Variants in SULT1A1 observed in about 807,000 individuals in gnomAD.
SULT1A1 encodes the protein sulfotransferase 1A1.
In SULT1A1, 35 loss-of-function variants were observed where a neutral mutation model predicts 36.8. The observed-to-expected ratio is 0.95, with a 90% CI of 0.73 to 1.26. SULT1A1 has a LOEUF of 1.26. Among genes scored for constraint, SULT1A1 ranks in the 50% most tolerant of loss-of-function variants. The probability of loss-of-function intolerance (pLI) is 0.00; values close to 1 mark genes in which losing one functional copy is unlikely to be tolerated. For missense variants in SULT1A1, 309 were observed against 383.0 expected (o/e 0.81, Z 1.61); for synonymous variants, 119 against 146.0 (o/e 0.82, Z 1.33).
upstream of SULT1A1, chr16:28,610,254 T>TTC: frequency 1.7e-6 from 2 of 1,191,452 alleles, no homozygotes; most frequent in Non-Finnish European, 1.1e-6. Flanking sequence ...TTTGTAGGTT[T>TTC]TTTTTTTCTG....
chr16:28,606,794 A>G lies in SULT1A1; in HGVS notation c.561T>C (p.Pro187=). The G allele has an allele frequency of 6.2e-7, 1 of 1,612,470 alleles. No homozygotes were observed. Among genetic ancestry groups the G allele is most frequent in the Non-Finnish European group, 8.5e-7 (1 of 1,178,676 alleles). The change falls in exon 6 of 8, where the codon CCT becomes CCC. Residue 187 remains proline (P), a synonymous_variant. Coordinates refer to ENST00000314752, the MANE Select transcript of SULT1A1 (RefSeq NM_001055.4). The part of the protein sequence containing the change: ...QEWWELSRTH[P]VLYLFYEDMK... ...TGTCTTCATAGAAGAGGTAGAGAAC[A>G]GGGTGGGTGCGGCTCAGCTCCCACC...
intron 1 of SULT1A1, among the ~76,000 whole-genome samples, chr16:28,622,258 TC>T (rs2047671626): frequency 6.6e-6 from 1 of 152,012 alleles, no homozygotes; most frequent in Admixed American, 6.6e-5. Context: ...CAAGTAAAAC[TC>T]CCATTGATCA....
intron 2 of SULT1A1, among the ~76,000 whole-genome samples, chr16:28,615,886 T>C (rs878891386): frequency 6.6e-6 from 1 of 152,156 alleles, no homozygotes; most frequent in African/African-American, 2.4e-5. Context: ...CCATTATTTC[T>C]GCATATCAGG....
Position 28,608,329 on chromosome 16 carries a change from C to A in SULT1A1, c.334G>T (p.Ala112Ser), listed in dbSNP as rs927153579. The A allele has an allele frequency of 1.2e-6, 2 of 1,612,362 alleles. No individual in the cohort carries two copies. The highest frequency in any genetic ancestry group is 1.3e-5 in the African/African-American group (1 of 74,966). Reference sequence around the variant, plus strand: ...TCCAACAGAGTCTGGGGGAGCAGAGCCAGGGGCAGGTGTGTCTTCAGGAGT... The same window carrying A: ...TCCAACAGAGTCTGGGGGAGCAGAGACAGGGGCAGGTGTGTCTTCAGGAGT... The part of the protein sequence containing the change: ...PRLLKTHLPL[A>S]LLPQTLLDQK... Residue 112 changes from alanine (A) to serine (S), a missense_variant, in exon 4 of 8, where the codon GCT becomes TCT. By Grantham distance (99) the Ala-to-Ser change is moderately conservative (BLOSUM62 1). Coordinates refer to ENST00000314752, the MANE Select transcript of SULT1A1 (RefSeq NM_001055.4).
chr16:28,618,698 C>A (rs539909452), intron 2 of SULT1A1, among the ~76,000 whole-genome samples: 1 of 151,980 alleles, frequency 6.6e-6, no homozygotes, highest in Non-Finnish European at 1.5e-5. Flanking sequence ...ACAGTAAAAC[C>A]GCTGATTTGT....
intron 1 of SULT1A1, 70 bp downstream of exon 1, chr16:28,609,861 C>T (rs1020655507): frequency 1.6e-6 from 2 of 1,228,676 alleles, no homozygotes; most frequent in Middle Eastern, 2.7e-4. Flanking sequence ...GAGGCCTCAG[C>T]TTCTGGAATG....
chr16:28,619,598 T>C (rs1441383835), intron 2 of SULT1A1, among the ~76,000 whole-genome samples: 2 of 152,070 alleles, frequency 1.3e-5, no homozygotes, highest in Admixed American at 6.6e-5. Flanking sequence ...CACATGCCTG[T>C]AGTCTCAGCT....
At position 28,608,297 on chromosome 16, in the gene SULT1A1, C is replaced by T; in HGVS notation, c.366G>A (p.Lys122=). ...ACACTGTGCCCTGCCTCACCTTGACCTTCTGATCCAACAGAGTCTGGGGGA... is the reference window on the plus strand; with the variant it reads ...ACACTGTGCCCTGCCTCACCTTGACTTTCTGATCCAACAGAGTCTGGGGGA... ...ALLPQTLLDQ[K]VKVVYVARNA... is the part of the protein sequence containing the mutation. Residue 122 remains lysine (K), a synonymous_variant, in exon 4 of 8, where the codon AAG becomes AAA. Coordinates refer to ENST00000314752, the MANE Select transcript of SULT1A1 (RefSeq NM_001055.4). The T allele has an allele frequency of 6.2e-7, 1 of 1,612,264 alleles. No individual in the cohort carries two copies. The highest frequency in any genetic ancestry group is 1.1e-5 in the South Asian group (1 of 91,004).
At chr16:28,609,314 C>T (rs1453057531) in intron 1 of SULT1A1, 2 of 1,284,102 alleles carry the variant, frequency 1.6e-6, no homozygotes, top group East Asian at 1.0e-4. Flanking sequence ...CCCCTCAGCC[C>T]CTCACATGTG....
chr16:28,606,901 G>A lies in SULT1A1; in HGVS notation c.500-46C>T, dbSNP rs1365673793. On this transcript the variant is annotated intron_variant, in intron 5 of 7. Coordinates refer to ENST00000314752, the MANE Select transcript of SULT1A1 (RefSeq NM_001055.4). Reference sequence around the variant, plus strand: ...TGCCAACACAGGGTTGCTGTGCGTTGTAGCCACCACCCCTTAGCTCCACAC... The same window carrying A: ...TGCCAACACAGGGTTGCTGTGCGTTATAGCCACCACCCCTTAGCTCCACAC... 1.2e-6 allele frequency: 2 copies of A among 1,612,202 alleles called. 1 individual carries two copies. Among genetic ancestry groups the A allele is most frequent in the Non-Finnish European group, 1.7e-6 (2 of 1,178,586 alleles).
Position 28,609,979 on chromosome 16 carries a change from G to C in SULT1A1, c.-53C>G. ...CGTGCCCTCCTCGCCCGCAGTGGCT[G>C]ATTGTGGGTGTTGTGTGGGGAATGC... On this transcript the variant is annotated 5_prime_UTR_variant, in exon 1 of 8. The change creates a new upstream start codon in the 5' untranslated region. Transcript: ENST00000314752. 7.8e-7 allele frequency: 1 copy of C among 1,288,078 alleles called. No individual in the cohort carries two copies. Among genetic ancestry groups the C allele is most frequent in the Non-Finnish European group, 1.0e-6 (1 of 987,526 alleles). The allele number at this position is 1,288,078 out of a possible 1,614,324, so 79.8% of individuals were successfully genotyped here.
intron 2 of SULT1A1, among the ~76,000 whole-genome samples, chr16:28,616,113 A>G (rs965119902): frequency 3.3e-5 from 5 of 152,128 alleles, no homozygotes; most frequent in Non-Finnish European, 7.4e-5. Flanking sequence ...GGCATAACAG[A>G]AGGCTCGCAC....
intron 2 of SULT1A1, among the ~76,000 whole-genome samples, chr16:28,619,229 T>C (rs1164329149): frequency 6.6e-6 from 1 of 151,948 alleles, no homozygotes; most frequent in African/African-American, 2.4e-5. Flanking sequence ...GCCAGGCTGG[T>C]TTCAAACTCC....
Position 28,623,076 on chromosome 16 carries a change from C to T in SULT1A1, c.67+55G>A. The T allele has an allele frequency of 3.9e-6, 6 of 1,524,330 alleles. No individual in the cohort carries two copies. In the South Asian group the frequency reaches 7.2e-5, roughly 18 times the overall value. The allele number at this position is 1,524,330 out of a possible 1,614,324, so 94.4% of individuals were successfully genotyped here. On this transcript the variant is annotated intron_variant, in intron 1 of 5. Coordinates refer to the SULT1A1 transcript ENST00000350842. ...CAGCCGCTTGATCCCCAAGTCCCTG[C>T]CTCCAGTCCCCCAATACTGGTCCCA...
chr16:28,622,777 G>A (rs2047681341), intron 1 of SULT1A1, among the ~76,000 whole-genome samples: 1 of 152,030 alleles, frequency 6.6e-6, no homozygotes, highest in South Asian at 2.1e-4. Flanking sequence ...GCCTTTTTCA[G>A]GGGGCAAAGA....
Position 28,609,065 on chromosome 16 carries a change from T to G in SULT1A1, c.-4-206A>C, listed in dbSNP as rs1445815025. The G allele has an allele frequency of 5.7e-4, 832 of 1,463,746 alleles. 5 individuals are homozygous for G. The highest frequency in any genetic ancestry group is 7.1e-4 in the Non-Finnish European group (774 of 1,097,008). The allele number at this position is 1,463,746 out of a possible 1,614,324, so 90.7% of individuals were successfully genotyped here. On this transcript the variant is annotated intron_variant, in intron 1 of 7. Coordinates refer to ENST00000314752, the MANE Select transcript of SULT1A1 (RefSeq NM_001055.4). ...TTCCCCAGCCTGGCCTCACCTTTCA[T>G]TCACCTGCGGAGCTGTTCAAAATCC...
intron 2 of SULT1A1, among the ~76,000 whole-genome samples, chr16:28,616,602 A>T (rs1184349400): frequency 6.6e-6 from 1 of 151,758 alleles, no homozygotes; most frequent in Non-Finnish European, 1.5e-5. Flanking sequence ...TTATTTTTTT[A>T]AATACAGACA....
chr16:28,618,339 CTTTTTT>C (rs546277570), intron 2 of SULT1A1, among the ~76,000 whole-genome samples: 5 of 72,400 alleles, frequency 6.9e-5, no homozygotes, highest in Non-Finnish European at 1.2e-4. Flanking sequence ...ACTTCCCGCT[CTTTTTT>C]TTTTTTTTTT....
intron 1 of SULT1A1, chr16:28,620,209 A>G (rs62031607): frequency 7.1e-7 from 1 of 1,405,290 alleles, no homozygotes; most frequent in Admixed American, 1.9e-5. Flanking sequence ...TAAGTTTACC[A>G]TTCCAAAATG....
Sources: allele counts gnomAD v4.1 joint callset (sites outside exome capture counted in the v4.1 genomes callset), GRCh38; gene constraint gnomAD v4.1.1; transcripts MANE v1.5; gene names NCBI Gene and HGNC (gene_info 2026-07-23, HGNC 2026-07-21).